ST18: variants seen among roughly 807,000 people sequenced by gnomAD.
ST18 encodes the protein suppression of tumorigenicity 18 protein.
In ST18, 50 loss-of-function variants were observed where a neutral mutation model predicts 110.0. The observed-to-expected ratio is 0.45, with a 90% CI of 0.36 to 0.58. ST18 has a LOEUF of 0.58. ST18 is among the 20% of genes least tolerant of loss of function. ST18 has a pLI of 0.00. For synonymous variants in ST18, 461 were observed against 452.4 expected, an observed-to-expected ratio of 1.02 and a Z score of -0.24; for missense variants, 1,306 against 1,280.1, an observed-to-expected ratio of 1.02 and a Z score of -0.31.
intron 2 of ST18, among the ~76,000 whole-genome samples, chr8:52,304,278 G>A (rs1462355502): frequency 6.6e-6 from 1 of 152,060 alleles, no homozygotes; most frequent in African/African-American, 2.4e-5. Context: ...TAGAAATACT[G>A]GAAGTATTTC....
chr8:52,196,959 C>T (rs1354723126), intron 8 of ST18, among the ~76,000 whole-genome samples: 1 of 152,146 alleles, frequency 6.6e-6, no homozygotes, highest in Non-Finnish European at 1.5e-5. Context: ...AAAGGAGAAA[C>T]AGTTAACTTT....
intron 8 of ST18, among the ~76,000 whole-genome samples, chr8:52,207,868 AT>A (rs2080664423): frequency 6.6e-6 from 1 of 152,208 alleles, no homozygotes; most frequent in African/African-American, 2.4e-5. Flanking sequence ...GCAAGAGACA[AT>A]TACCAATATT....
intron 17 of ST18, chr8:52,137,855 C>A (rs2053123724): frequency 1.1e-5 from 2 of 185,156 alleles, no homozygotes; most frequent in Non-Finnish European, 2.3e-5. Context: ...GTAATCCCAG[C>A]ACTTGGGAGG....
intron 2 of ST18, among the ~76,000 whole-genome samples, chr8:52,233,117 T>A (rs1040387394): frequency 6.6e-6 from 1 of 152,222 alleles, no homozygotes; most frequent in African/African-American, 2.4e-5. Flanking sequence ...AAAAATTTGA[T>A]TAATACCAGT....
In ST18 at chr8:52,319,727, T is replaced by A. The variant is rs560024790; in HGVS notation, c.-465+89601A>T. Among the ~76,000 whole-genome samples, 3 of 152,294 alleles carry A rather than the reference T, an allele frequency of 2.0e-5. No homozygotes were observed. The South Asian group carries it at 6.2e-4, about 32-fold the overall frequency. On this transcript the variant is annotated intron_variant, in intron 2 of 25. Coordinates refer to ENST00000689386, the MANE Select transcript of ST18 (RefSeq NM_001352837.2). ...TGGGTGATTCTCGGTTGAGGTTGCT[T>A]GTTTGCTTCTGGTCAGATGTGAACT...
intron 3 of ST18, among the ~76,000 whole-genome samples, chr8:52,223,060 T>C (rs1439657182): frequency 6.6e-6 from 1 of 152,226 alleles, no homozygotes; most frequent in Non-Finnish European, 1.5e-5. Flanking sequence ...TCTCTGATGA[T>C]GACATGGCTT....
At chr8:52,372,161 T>C (rs985058090) in intron 2 of ST18, among the ~76,000 whole-genome samples, 2 of 152,156 alleles carry the variant, frequency 1.3e-5, no homozygotes, top group Non-Finnish European at 2.9e-5. Context: ...TGACCCTTTG[T>C]AGGCCTAGGA....
intron 2 of ST18, among the ~76,000 whole-genome samples, chr8:52,376,579 A>G (rs1832469860): frequency 6.6e-6 from 1 of 152,128 alleles, no homozygotes. Flanking sequence ...CTTCTAAAAT[A>G]CTTGTGGTTC....
intron 6 of ST18, among the ~76,000 whole-genome samples, chr8:52,216,025 T>C (rs1370364898): frequency 6.6e-6 from 1 of 152,240 alleles, no homozygotes; most frequent in African/African-American, 2.4e-5. Context: ...CCTATTGTTA[T>C]CTTGCCACAT....
intron 2 of ST18, among the ~76,000 whole-genome samples, chr8:52,335,253 T>C (rs1811492432): frequency 1.3e-5 from 2 of 152,116 alleles, no homozygotes; most frequent in South Asian, 4.1e-4. Context: ...TAAATATTCT[T>C]TTCCAAGGTT....
intron 16 of ST18, among the ~76,000 whole-genome samples, chr8:52,148,095 G>T (rs1246147097): frequency 1.3e-5 from 2 of 151,752 alleles, no homozygotes; most frequent in African/African-American, 2.4e-5. Context: ...GGGCACAGTG[G>T]TTGGGGAAAG....
intron 3 of ST18, among the ~76,000 whole-genome samples, chr8:52,223,637 C>T (rs1353702678): frequency 7.1e-6 from 1 of 139,980 alleles, no homozygotes; most frequent in African/African-American, 2.8e-5. Context: ...GAGTGAGACT[C>T]TGTCTCAAAA....
chr8:52,346,074 T>C lies in ST18; in HGVS notation c.-465+63254A>G, dbSNP rs527441487. On this transcript the variant is annotated intron_variant, in intron 2 of 25. Coordinates refer to ENST00000689386, the MANE Select transcript of ST18 (RefSeq NM_001352837.2). ...GTAAATTCAGGGAACATAATAAAAA[T>C]GAAAAACTAAAAACCCCAAATAATA... Among the ~76,000 whole-genome samples, 3 of 151,582 alleles carry C rather than the reference T, an allele frequency of 2.0e-5. No homozygotes were observed. The South Asian group carries it at 6.2e-4, about 32-fold the overall frequency.
At chr8:52,355,087 A>C (rs555517762) in intron 2 of ST18, among the ~76,000 whole-genome samples, 6 of 152,216 alleles carry the variant, frequency 3.9e-5, no homozygotes, top group Non-Finnish European at 7.4e-5. Flanking sequence ...TTCTCACCAC[A>C]ACTCCCTCCC....
intron 10 of ST18, 200 bp downstream of exon 10, chr8:52,171,592 C>T: frequency 2.8e-6 from 2 of 703,234 alleles, no homozygotes; most frequent in Non-Finnish European, 5.0e-6. Context: ...TGAAAATAGT[C>T]CAAAATTAAC....
chr8:52,334,552 G>A (rs1241040187), intron 2 of ST18, among the ~76,000 whole-genome samples: 3 of 152,056 alleles, frequency 2.0e-5, no homozygotes, highest in Non-Finnish European at 4.4e-5. Flanking sequence ...TCTTTTTGTG[G>A]TATACAGGAC....
chr8:52,284,062 G>A (rs2095430152), intron 2 of ST18, among the ~76,000 whole-genome samples: 1 of 152,130 alleles, frequency 6.6e-6, no homozygotes, highest in Non-Finnish European at 1.5e-5. Flanking sequence ...AATGCAATGA[G>A]GCAAAAATAG....
chr8:52,290,490 A>G (rs1454213922), intron 2 of ST18, among the ~76,000 whole-genome samples: 4 of 152,224 alleles, frequency 2.6e-5, no homozygotes, highest in Non-Finnish European at 4.4e-5. Context: ...TAGAGAAGCC[A>G]AAAAAGGTTG....
intron 6 of ST18, among the ~76,000 whole-genome samples, chr8:52,216,961 G>A (rs1024087651): frequency 1.3e-5 from 2 of 152,146 alleles, no homozygotes; most frequent in Non-Finnish European, 2.9e-5. Flanking sequence ...AATTAGAGAT[G>A]AGGCACATGA....
Sources: allele counts gnomAD v4.1 joint callset (sites outside exome capture counted in the v4.1 genomes callset), GRCh38; gene constraint gnomAD v4.1.1; transcripts MANE v1.5; gene names NCBI Gene and HGNC (gene_info 2026-07-23, HGNC 2026-07-21).